The following EPM2A variants were observed in gnomAD, a reference collection of about 807,000 sequenced individuals.
The protein encoded by EPM2A is EPM2A glucan phosphatase, laforin.
In EPM2A, 21 loss-of-function variants were observed where a neutral mutation model predicts 26.5. That is an observed-to-expected ratio of 0.79 (90% CI 0.56 to 1.14). The LOEUF (loss-of-function observed/expected upper bound fraction) is 1.14. EPM2A is among the 50% of genes most tolerant of loss of function. The pLI, the probability that EPM2A is intolerant of heterozygous loss-of-function variation, is 0.00. For synonymous variants in EPM2A, 217 were observed against 177.6 expected (o/e 1.22, Z -1.76); for missense variants, 458 against 440.8 (o/e 1.04, Z -0.35).
rs1256741486 is a variant in EPM2A, at chr6:145,627,572, C to G, written c.840G>C (p.Trp280Cys). The change falls in exon 4 of 4, where the codon TGG (tryptophan) becomes TGC (cysteine). Residue 280 changes from tryptophan to cysteine, a missense_variant. By Grantham distance (215) the Trp-to-Cys change is radical. Coordinates refer to ENST00000367519, the MANE Select transcript of EPM2A (RefSeq NM_005670.4). ...VGRSTAAVCG[W>C]LQYVMGWNLR... ...GATTCCAGCCCATCACATACTGGAG[C>G]CAGCCGCAGACAGCCGCGGTGGAGC... 6.2e-7 allele frequency: 1 copy of G among 1,614,248 alleles called. No individual in the cohort carries two copies. The highest frequency in any genetic ancestry group is 8.5e-7 in the Non-Finnish European group (1 of 1,180,052).
At chr6:145,513,949 C>G (rs1182054055) in intron 2 of EPM2A, among the ~76,000 whole-genome samples, 1 of 152,148 alleles carries the variant, frequency 6.6e-6, no homozygotes, top group African/African-American at 2.4e-5. Flanking sequence ...GCAAGGAGCT[C>G]TGTTTCTATC....
At chr6:145,641,841 C>T (rs894064208) in intron 2 of EPM2A, among the ~76,000 whole-genome samples, 9 of 151,994 alleles carry the variant, frequency 5.9e-5, no homozygotes, top group African/African-American at 1.9e-4. Context: ...ATACGTGGGC[C>T]CCTTCTTGAT....
chr6:145,438,207 T>G (rs987872612), intron 4 of EPM2A, among the ~76,000 whole-genome samples: 1 of 152,108 alleles, frequency 6.6e-6, no homozygotes, highest in African/African-American at 2.4e-5. Flanking sequence ...AGGTCCCCAG[T>G]GGGAAGTGAG....
chr6:145,387,547 C>G (rs1340066126), intron 4 of EPM2A, among the ~76,000 whole-genome samples: 1 of 152,024 alleles, frequency 6.6e-6, no homozygotes, highest in Admixed American at 6.6e-5. Flanking sequence ...AGAGGGAGAA[C>G]CCGATGTCTT....
At chr6:145,603,082 C>T (rs1185693466) in intron 2 of EPM2A, among the ~76,000 whole-genome samples, 1 of 152,144 alleles carries the variant, frequency 6.6e-6, no homozygotes, top group African/African-American at 2.4e-5. Flanking sequence ...TAACAGGAGT[C>T]TTCATGCTGG....
intron 2 of EPM2A, among the ~76,000 whole-genome samples, chr6:145,573,099 T>A (rs1780982524): frequency 6.6e-6 from 1 of 152,226 alleles, no homozygotes. Flanking sequence ...TGCAAATGTC[T>A]CACCAGTAAG....
At chr6:145,457,693 G>C (rs1225030722) in intron 4 of EPM2A, among the ~76,000 whole-genome samples, 1 of 152,026 alleles carries the variant, frequency 6.6e-6, no homozygotes, top group Non-Finnish European at 1.5e-5. Flanking sequence ...ATGACATACA[G>C]AGGCAGTCAG....
At chr6:145,575,332 A>G (rs1781016097) in intron 2 of EPM2A, among the ~76,000 whole-genome samples, 1 of 152,160 alleles carries the variant, frequency 6.6e-6, no homozygotes, top group Non-Finnish European at 1.5e-5. Context: ...AGTCCCATTC[A>G]TTTCCAATCA....
At chr6:145,386,377 A>G (rs1000942873) in intron 4 of EPM2A, among the ~76,000 whole-genome samples, 4 of 152,212 alleles carry the variant, frequency 2.6e-5, no homozygotes, top group South Asian at 2.1e-4. Context: ...AAGCTTTTGT[A>G]TATCACCCGA....
At chr6:145,434,777 CT>C (rs1375624757) in intron 4 of EPM2A, among the ~76,000 whole-genome samples, 4 of 152,178 alleles carry the variant, frequency 2.6e-5, no homozygotes, top group Non-Finnish European at 5.9e-5. Context: ...CAATTCTCCC[CT>C]TTTCCTGTCC....
At chr6:145,499,352 T>C (rs1018335250), downstream of EPM2A, among the ~76,000 whole-genome samples, 1 of 152,236 alleles carries the variant, frequency 6.6e-6, no homozygotes, top group Admixed American at 6.5e-5. Context: ...CTTTTACCTA[T>C]TCTGCCCTAC....
At chr6:145,490,705 A>C (rs1369547199) in intron 4 of EPM2A, 1 of 577,658 alleles carries the variant, frequency 1.7e-6, no homozygotes, top group Non-Finnish European at 3.4e-6. Flanking sequence ...AAACAATTTA[A>C]ATGAACCATT....
intron 4 of EPM2A, among the ~76,000 whole-genome samples, chr6:145,428,075 G>GTTTTTTTTTTT (rs11343322): frequency 1.0e-5 from 1 of 97,520 alleles, no homozygotes; most frequent in Non-Finnish European, 2.1e-5. Context: ...TGTGTTGATA[G>GTTTTTTTTTTT]TTTTTTTTTT....
chr6:145,664,937 C>G (rs1416915427), intron 2 of EPM2A, among the ~76,000 whole-genome samples: 1 of 141,494 alleles, frequency 7.1e-6, no homozygotes, highest in South Asian at 2.4e-4. Context: ...GAAATGAAGG[C>G]AGAAATAAAG....
intron 2 of EPM2A, among the ~76,000 whole-genome samples, chr6:145,678,301 A>T (rs1020794024): frequency 2.0e-5 from 3 of 152,238 alleles, no homozygotes; most frequent in Non-Finnish European, 4.4e-5. Flanking sequence ...AAAACCCTGG[A>T]AGAAAACCTA....
At chr6:145,485,498 A>C (rs1779660178) in intron 4 of EPM2A, among the ~76,000 whole-genome samples, 1 of 152,030 alleles carries the variant, frequency 6.6e-6, no homozygotes, top group African/African-American at 2.4e-5. Flanking sequence ...CACTTCAGAG[A>C]GAGAAGTGAA....
intron 1 of EPM2A, among the ~76,000 whole-genome samples, chr6:145,693,651 T>C (rs1781407199): frequency 6.6e-6 from 1 of 151,964 alleles, no homozygotes; most frequent in Non-Finnish European, 1.5e-5. Flanking sequence ...GTAACAAAAC[T>C]GTGCTTGTAC....
intron 2 of EPM2A, among the ~76,000 whole-genome samples, chr6:145,587,256 G>A (rs575777076): frequency 4.2e-4 from 64 of 152,150 alleles, no homozygotes; most frequent in Non-Finnish European, 5.9e-4. Flanking sequence ...CTAACATGTT[G>A]TGTTTTTTTA....
intron 1 of EPM2A, among the ~76,000 whole-genome samples, chr6:145,726,964 G>A (rs909271130): frequency 3.3e-5 from 5 of 152,010 alleles, no homozygotes. Context: ...GAGGAAACTG[G>A]GTAAGGAGTA....
Sources: allele counts gnomAD v4.1 joint callset (sites outside exome capture counted in the v4.1 genomes callset), GRCh38; gene constraint gnomAD v4.1.1; transcripts MANE v1.5; gene names NCBI Gene and HGNC (gene_info 2026-07-23, HGNC 2026-07-21).